The following SASH1 variants were observed in gnomAD, a reference collection of about 807,000 sequenced individuals.
The protein encoded by SASH1 is SAM and SH3 domain containing 1.
Under a neutral mutation model 125.2 loss-of-function variants are expected in SASH1, and 44 were observed. The ratio of observed to expected loss-of-function variants is 0.35; its 90% CI spans 0.28 to 0.45. SASH1 has a LOEUF of 0.45. SASH1 is among the 20% of genes least tolerant of loss of function. The pLI is 1.00. For synonymous variants in SASH1, 639 were observed against 649.1 expected (o/e 0.98, Z 0.24); for missense variants, 1,426 against 1,614.5 (o/e 0.88, Z 2.00).
chr6:148,453,859 C>G (rs992895452), intron 4 of SASH1, among the ~76,000 whole-genome samples: 1 of 152,114 alleles, frequency 6.6e-6, no homozygotes, highest in African/African-American at 2.4e-5. Flanking sequence ...TGTATTTTGG[C>G]ATCAGTCAGG....
At chr6:148,202,438 AGGTCT>A in the SASH1 span, among the ~76,000 whole-genome samples, 2 of 152,100 alleles carry the variant, frequency 1.3e-5, no homozygotes, top group Non-Finnish European at 2.9e-5. Context: ...ACATCACCCC[AGGTCT>A]GCCCTCCCTG....
intron 16 of SASH1, among the ~76,000 whole-genome samples, chr6:148,539,297 C>T (rs1429749850): frequency 6.6e-6 from 1 of 151,954 alleles, no homozygotes; most frequent in African/African-American, 2.4e-5. Flanking sequence ...TTAGTGCACC[C>T]ATCATCTGAG....
At chr6:148,546,654 AAT>A (rs1359431736) in intron 19 of SASH1, among the ~76,000 whole-genome samples, 1 of 152,198 alleles carries the variant, frequency 6.6e-6, no homozygotes, top group East Asian at 1.9e-4. Flanking sequence ...CTCACCACAA[AAT>A]ATAGTATATG....
chr6:148,209,821 T>C, the SASH1 span, among the ~76,000 whole-genome samples: 6 of 152,298 alleles, frequency 3.9e-5, no homozygotes, highest in Admixed American at 2.6e-4. Context: ...TCCCCTGTCT[T>C]ACTAGGATTC....
chr6:148,417,582 A>AAAAAAAATAAATAAAT (rs139692415), intron 2 of SASH1, among the ~76,000 whole-genome samples: 2 of 147,694 alleles, frequency 1.4e-5, no homozygotes, highest in African/African-American at 5.0e-5. Context: ...GGACTCTGTC[A>AAAAAAAATAAATAAAT]AAATAAATAA....
chr6:148,548,253 C>G, intron 19 of SASH1, 42 bp from the exon 20 acceptor site: 4 of 1,564,100 alleles, frequency 2.6e-6, no homozygotes, highest in Non-Finnish European at 3.5e-6. Flanking sequence ...TCCTCGATGA[C>G]ACATGGAGCG....
chr6:148,325,261 TTTGTTG>T (rs1554235037), intron 1 of SASH1, among the ~76,000 whole-genome samples: 1 of 149,878 alleles, frequency 6.7e-6, no homozygotes, highest in Non-Finnish European at 1.5e-5. Flanking sequence ...AAAAGCCTCT[TTTGTTG>T]TTGTTGTTGT....
intron 17 of SASH1, among the ~76,000 whole-genome samples, chr6:148,542,428 C>G (rs1473004704): frequency 6.6e-6 from 1 of 152,074 alleles, no homozygotes; most frequent in East Asian, 1.9e-4. Context: ...GCTCTGTCGC[C>G]CAGGCTGGAG....
At chr6:148,262,879 AAAAG>A in the SASH1 span, among the ~76,000 whole-genome samples, 10 of 152,190 alleles carry the variant, frequency 6.6e-5, no homozygotes, top group Admixed American at 1.3e-4. Flanking sequence ...GTCTCAAAAG[AAAAG>A]AAAGAAAGAA....
intron 1 of SASH1, among the ~76,000 whole-genome samples, chr6:148,298,714 AAGG>A (rs1562312246): frequency 1.3e-5 from 1 of 77,090 alleles, no homozygotes; most frequent in Non-Finnish European, 2.6e-5. Flanking sequence ...AGGAAGGAAG[AAGG>A]AAGGGAAAGG....
chr6:148,231,331 A>T, the SASH1 span, among the ~76,000 whole-genome samples: 4 of 152,278 alleles, frequency 2.6e-5, no homozygotes, highest in South Asian at 8.3e-4. Context: ...TATTCCATTG[A>T]TCTATGTCTC....
At chr6:148,252,731 G>A in the SASH1 span, among the ~76,000 whole-genome samples, 6 of 152,080 alleles carry the variant, frequency 3.9e-5, no homozygotes, top group Non-Finnish European at 5.9e-5. Context: ...CATCCGCCTC[G>A]GCCGCCCAAA....
intron 11 of SASH1, among the ~76,000 whole-genome samples, chr6:148,526,085 G>A (rs151120680): frequency 1.1e-3 from 131 of 119,598 alleles, no homozygotes; most frequent in African/African-American, 4.0e-3. Flanking sequence ...TTAAGATGGA[G>A]TCTCGCTCTG....
At chr6:148,424,762 C>A (rs1264639579) in intron 2 of SASH1, among the ~76,000 whole-genome samples, 1 of 152,184 alleles carries the variant, frequency 6.6e-6, no homozygotes, top group African/African-American at 2.4e-5. Flanking sequence ...GATACACCTA[C>A]CCCTTCACCT....
chr6:148,527,725 C>G, intron 12 of SASH1, 129 bp downstream of exon 12: 2 of 897,124 alleles, frequency 2.2e-6, no homozygotes, highest in South Asian at 3.3e-5. Flanking sequence ...CAAGTCCGTG[C>G]TTTATTTACG....
Position 148,499,156 on chromosome 6 carries a change from T to C in SASH1, c.729+11441T>C, listed in dbSNP as rs1377017770. Among the ~76,000 whole-genome samples the C allele has an allele frequency of 3.3e-5, 5 of 150,602 alleles. No homozygotes were observed. In the East Asian group the frequency reaches 9.8e-4, roughly 29 times the overall value. On this transcript the variant is annotated intron_variant, in intron 8 of 19. Coordinates refer to ENST00000367467, the MANE Select transcript of SASH1 (RefSeq NM_015278.5). ...CACTGCAACAAAATTCTTAGAACGA[T>C]AGTCAGTCATGAGACAAATCATTTG...
the SASH1 span, among the ~76,000 whole-genome samples, chr6:148,202,500 G>A: frequency 2.3e-4 from 35 of 152,168 alleles, no homozygotes; most frequent in African/African-American, 6.0e-4. Flanking sequence ...GAGGGCTGCC[G>A]GGAGGCTGGA....
intron 1 of SASH1, among the ~76,000 whole-genome samples, chr6:148,361,462 C>T (rs770240742): frequency 3.0e-4 from 45 of 152,090 alleles, no homozygotes; most frequent in Middle Eastern, 3.4e-3. Flanking sequence ...ATTAGCCAGG[C>T]GTGGTGGTGC....
intron 12 of SASH1, among the ~76,000 whole-genome samples, chr6:148,527,999 G>T (rs1392552927): frequency 9.9e-6 from 1 of 100,998 alleles, no homozygotes; most frequent in African/African-American, 3.9e-5. Flanking sequence ...GGGGGGGGGG[G>T]TGGCAGTAGA....
Sources: gnomAD v4.1 joint callset for allele counts (sites outside exome capture counted in the v4.1 genomes callset) on GRCh38, gnomAD v4.1.1 for gene constraint, MANE v1.5 for transcripts, NCBI Gene and HGNC (gene_info 2026-07-23, HGNC 2026-07-21) for gene names.